DNAJC1: variants seen among roughly 807,000 people sequenced by gnomAD.
The protein encoded by DNAJC1 is DnaJ heat shock protein family (Hsp40) member C1, also known as dnaJ homolog subfamily C member 1.
In DNAJC1, 58 loss-of-function variants were observed where a neutral mutation model predicts 76.6. That is an observed-to-expected ratio of 0.76 (90% CI 0.61 to 0.94). The LOEUF (loss-of-function observed/expected upper bound fraction) is 0.94. Among genes scored for constraint, DNAJC1 ranks in the 40% least tolerant of loss-of-function variants. DNAJC1 has a pLI of 0.00. For missense variants in DNAJC1, 689 were observed against 677.3 expected (o/e 1.02, Z -0.19); for synonymous variants, 258 against 267.9 (o/e 0.96, Z 0.36).
chr10:21,960,546 G>A (rs1243512816), intron 1 of DNAJC1, among the ~76,000 whole-genome samples: 6 of 151,932 alleles, frequency 3.9e-5, no homozygotes, highest in Admixed American at 2.0e-4. Flanking sequence ...ACCTTGTCCC[G>A]ACAAAAAAAT....
intron 6 of DNAJC1, among the ~76,000 whole-genome samples, chr10:21,905,367 A>AG (rs1273135088): frequency 2.0e-5 from 3 of 152,014 alleles, no homozygotes; most frequent in African/African-American, 4.8e-5. Flanking sequence ...CAGATCTTTT[A>AG]CCACACTCCT....
intron 8 of DNAJC1, among the ~76,000 whole-genome samples, chr10:21,807,896 T>G (rs990057074): frequency 5.9e-5 from 9 of 152,178 alleles, no homozygotes; most frequent in Non-Finnish European, 1.0e-4. Context: ...TCTCCTTGTC[T>G]TTATTTAAGG....
Position 21,962,715 on chromosome 10 carries a change from T to C in DNAJC1, c.223-33574A>G, listed in dbSNP as rs1225604432. 7.3e-5 allele frequency among the ~76,000 whole-genome samples: 11 copies of C among 150,216 alleles called. No individual in the cohort carries two copies. In the South Asian group the frequency reaches 1.7e-3, roughly 23 times the overall value. ...CCCAGGCGGGTCTTGAACTCCACCA[T>C]GCCTGGCCTGACTTTTTTCGTGTGT... On this transcript the variant is annotated intron_variant, in intron 1 of 11. Transcript: ENST00000376980.
intron 8 of DNAJC1, among the ~76,000 whole-genome samples, chr10:21,868,368 C>G (rs1056183799): frequency 2.0e-5 from 3 of 151,868 alleles, no homozygotes; most frequent in Non-Finnish European, 4.4e-5. Flanking sequence ...GGTGATCCAC[C>G]TGCCTCGGCC....
At chr10:21,833,063 C>T (rs1469562862) in intron 8 of DNAJC1, among the ~76,000 whole-genome samples, 2 of 152,204 alleles carry the variant, frequency 1.3e-5, no homozygotes, top group Non-Finnish European at 2.9e-5. Context: ...AGTAATCTTG[C>T]CATCTGCTAA....
intron 1 of DNAJC1, among the ~76,000 whole-genome samples, chr10:21,949,803 G>A (rs1392345604): frequency 2.0e-5 from 3 of 151,768 alleles, no homozygotes; most frequent in African/African-American, 7.3e-5. Flanking sequence ...GAGTTAAGGA[G>A]GACTGATATT....
At chr10:21,783,215 A>C (rs1834556249) in intron 9 of DNAJC1, among the ~76,000 whole-genome samples, 1 of 152,174 alleles carries the variant, frequency 6.6e-6, no homozygotes, top group Non-Finnish European at 1.5e-5. Flanking sequence ...TCAGGATACA[A>C]AATCAATGTG....
chr10:21,946,049 C>CT (rs71510915), intron 1 of DNAJC1, among the ~76,000 whole-genome samples: 56,442 of 93,400 alleles, frequency 0.6, 17,591 homozygotes, highest in East Asian at 0.78. Flanking sequence ...TTCTTTTCCT[C>CT]TTTTTTTTTT....
In DNAJC1 at chr10:22,003,453, G is replaced by T; in HGVS notation, c.-19C>A. On this transcript the variant is annotated 5_prime_UTR_variant, in exon 1 of 12. Coordinates refer to ENST00000376980, the MANE Select transcript of DNAJC1 (RefSeq NM_022365.4). ...CCGTCATCGCGCTGGGCTCGGAAAGGTCACCCGCCGCGCAGCTCCGTTGGC... is the reference window on the plus strand; with the variant it reads ...CCGTCATCGCGCTGGGCTCGGAAAGTTCACCCGCCGCGCAGCTCCGTTGGC... The T allele has an allele frequency of 7.4e-7, 1 of 1,347,204 alleles. No homozygotes were observed. Among genetic ancestry groups the T allele is most frequent in the South Asian group, 2.0e-5 (1 of 49,982 alleles). The allele number at this position is 1,347,204 out of a possible 1,614,324, so 83.5% of individuals were successfully genotyped here. A position where few individuals can be genotyped will look rare whatever the true frequency, so the allele number is the denominator to read the frequency against.
At chr10:21,936,325 T>C (rs1837311286) in intron 1 of DNAJC1, among the ~76,000 whole-genome samples, 2 of 152,212 alleles carry the variant, frequency 1.3e-5, no homozygotes. Context: ...CTGTTGTTTA[T>C]AAATTACCCA....
intron 8 of DNAJC1, among the ~76,000 whole-genome samples, chr10:21,867,412 T>C (rs1836019230): frequency 6.6e-6 from 1 of 152,078 alleles, no homozygotes; most frequent in South Asian, 2.1e-4. Context: ...GCCAACACAA[T>C]TTAAAATCTA....
chr10:21,968,416 AC>A (rs1837924730), intron 1 of DNAJC1, among the ~76,000 whole-genome samples: 1 of 152,192 alleles, frequency 6.6e-6, no homozygotes. Flanking sequence ...AATTGGTATT[AC>A]GGCAACCCAA....
chr10:21,897,117 C>T (rs1836556601), intron 7 of DNAJC1, among the ~76,000 whole-genome samples: 1 of 152,108 alleles, frequency 6.6e-6, no homozygotes, highest in Non-Finnish European at 1.5e-5. Flanking sequence ...CAGGTTATTT[C>T]CCAGGTATTT....
chr10:21,978,589 T>A (rs1311138363), intron 1 of DNAJC1, among the ~76,000 whole-genome samples: 1 of 152,116 alleles, frequency 6.6e-6, no homozygotes, highest in Non-Finnish European at 1.5e-5. Flanking sequence ...AATTATTTCC[T>A]GTATGTAAAA....
intron 9 of DNAJC1, among the ~76,000 whole-genome samples, chr10:21,773,086 C>T (rs890207300): frequency 6.6e-6 from 1 of 152,192 alleles, no homozygotes; most frequent in Non-Finnish European, 1.5e-5. Flanking sequence ...ACCTCCGACA[C>T]TGGGGATTAC....
chr10:21,765,184 T>G (rs1170891022), intron 10 of DNAJC1, among the ~76,000 whole-genome samples: 1 of 152,220 alleles, frequency 6.6e-6, no homozygotes, highest in African/African-American at 2.4e-5. Flanking sequence ...AATTTCCTCT[T>G]GCTAAAGCCT....
At chr10:21,851,437 A>G in intron 8 of DNAJC1, among the ~76,000 whole-genome samples, 1 of 152,210 alleles carries the variant, frequency 6.6e-6, no homozygotes, top group African/African-American at 2.4e-5. Flanking sequence ...ATCACTGCAC[A>G]CCCTAGGGTG....
intron 8 of DNAJC1, among the ~76,000 whole-genome samples, chr10:21,858,462 T>C (rs1362938848): frequency 6.6e-6 from 1 of 152,154 alleles, no homozygotes; most frequent in Non-Finnish European, 1.5e-5. Flanking sequence ...AGCAAATCAA[T>C]CAAATAGTAA....
chr10:21,890,506 A>G (rs1293023279), intron 7 of DNAJC1, among the ~76,000 whole-genome samples: 1 of 151,954 alleles, frequency 6.6e-6, no homozygotes, highest in Non-Finnish European at 1.5e-5. Flanking sequence ...CCATCCCCAT[A>G]TAATGTCAGT....
Sources: allele counts gnomAD v4.1 joint callset (sites outside exome capture counted in the v4.1 genomes callset), GRCh38; gene constraint gnomAD v4.1.1; transcripts MANE v1.5; gene names NCBI Gene and HGNC (gene_info 2026-07-23, HGNC 2026-07-21).